Variants in ATCAY observed in about 807,000 individuals in gnomAD.
ATCAY encodes the protein caytaxin.
In ATCAY, 22 loss-of-function variants were observed where a neutral mutation model predicts 47.7. The ratio of observed to expected loss-of-function variants is 0.46; its 90% confidence interval spans 0.33 to 0.66. The LOEUF is 0.66. ATCAY is among the 30% of genes least tolerant of loss of function. The pLI, the probability that ATCAY is intolerant of heterozygous loss-of-function variation, is 0.02. For synonymous variants in ATCAY, 216 were observed against 207.6 expected (o/e 1.04, Z -0.35); for missense variants, 452 against 515.0 (o/e 0.88, Z 1.18).
At position 3,897,463 on chromosome 19, in the gene ATCAY, C is replaced by T. The variant is rs756650758; in HGVS notation, c.78-5024C>T. Among the ~76,000 whole-genome samples the T allele has an allele frequency of 9.1e-4, 138 of 151,438 alleles. 1 individual carries two copies. Among genetic ancestry groups the T allele is most frequent in the Admixed American group, 1.6e-3 (24 of 15,184 alleles). ...TACAGGGACACGCCACCATGCCTGG[C>T]TTTTTATTTTTTATAGAGATGGAGT... On this transcript the variant is annotated intron_variant, in intron 2 of 12. Coordinates refer to ENST00000450849, the MANE Select transcript of ATCAY (RefSeq NM_033064.5).
chr19:3,906,773 G>A (rs1032527906), intron 4 of ATCAY, among the ~76,000 whole-genome samples: 1 of 152,054 alleles, frequency 6.6e-6, no homozygotes, highest in Non-Finnish European at 1.5e-5. Flanking sequence ...TCAGGCGTGG[G>A]GTATATGGCA....
chr19:3,911,302 G>A (rs1191390633), intron 8 of ATCAY, among the ~76,000 whole-genome samples: 1 of 152,114 alleles, frequency 6.6e-6, no homozygotes, highest in Non-Finnish European at 1.5e-5. Context: ...GGAGATCAAG[G>A]CTGCAATGAG....
intron 12 of ATCAY, 74 bp downstream of exon 12, chr19:3,920,872 C>T (rs1348860078): frequency 6.4e-7 from 1 of 1,560,908 alleles, no homozygotes; most frequent in Admixed American, 1.7e-5. Context: ...TCAGGGTTCT[C>T]TAGAAGGACA....
rs549326005 is a variant in ATCAY, at chr19:3,905,579, C to T, written c.282C>T (p.Asn94=). The T allele has an allele frequency of 6.8e-6, 11 of 1,613,768 alleles. No homozygotes were observed. Among genetic ancestry groups the T allele is most frequent in the African/African-American group, 2.7e-5 (2 of 74,972 alleles). Residue 94 remains asparagine, a synonymous_variant, in exon 4 of 13, where the codon AAC becomes AAT. Coordinates refer to ENST00000450849, the MANE Select transcript of ATCAY (RefSeq NM_033064.5). ...FLDTPDDLDI[N]VDDIETPDET... ...ATACCCCTGATGACCTGGATATTAA[C>T]GTGGATGACATCGAGACCCCCGATG...
At chr19:3,917,136 A>G (rs2038973013) in intron 9 of ATCAY, among the ~76,000 whole-genome samples, 1 of 151,996 alleles carries the variant, frequency 6.6e-6, no homozygotes, top group Admixed American at 6.6e-5. Flanking sequence ...TCAAAAATGC[A>G]TCTATGGGCC....
chr19:3,894,948 CA>C (rs34311804), intron 2 of ATCAY, among the ~76,000 whole-genome samples: 37,159 of 76,602 alleles, frequency 0.49, 6,089 homozygotes, highest in Middle Eastern at 0.65. Context: ...GACCCTGTCT[CA>C]AAAAAAAAAA....
chr19:3,911,413 A>G (rs1297206009), intron 8 of ATCAY, among the ~76,000 whole-genome samples: 4 of 152,020 alleles, frequency 2.6e-5, no homozygotes. Context: ...AGTCCCAGCT[A>G]CTCAGGAGGC....
chr19:3,914,647 C>G (rs989373462), intron 9 of ATCAY, among the ~76,000 whole-genome samples: 3 of 151,858 alleles, frequency 2.0e-5, no homozygotes, highest in Non-Finnish European at 2.9e-5. Flanking sequence ...ATGGTGAAAC[C>G]CTGTCTCTCC....
chr19:3,905,359 C>T, intron 3 of ATCAY, 75 bp from the exon 4 acceptor site: 1 of 1,415,868 alleles, frequency 7.1e-7, no homozygotes, highest in Non-Finnish European at 9.5e-7. Context: ...AAACAGCTTC[C>T]ACCAGGTAGG....
chr19:3,883,574 C>T (rs1480233493), intron 1 of ATCAY, among the ~76,000 whole-genome samples: 2 of 152,294 alleles, frequency 1.3e-5, no homozygotes, highest in Non-Finnish European at 2.9e-5. Context: ...TGGTCATGGG[C>T]GGCCATCCTG....
chr19:3,883,335 C>CT (rs896393750), intron 1 of ATCAY, among the ~76,000 whole-genome samples: 1 of 151,978 alleles, frequency 6.6e-6, no homozygotes, highest in Non-Finnish European at 1.5e-5. Flanking sequence ...GAGCGAGACT[C>CT]TGTCTCAAAA....
At chr19:3,908,473 G>T in intron 6 of ATCAY, 103 bp downstream of exon 6, 3 of 1,111,238 alleles carry the variant, frequency 2.7e-6, no homozygotes, top group Non-Finnish European at 4.0e-6. Context: ...TAGGAAGCCT[G>T]CCTGGCACCA....
chr19:3,904,936 T>A (rs2038847069), intron 3 of ATCAY, among the ~76,000 whole-genome samples: 1 of 152,170 alleles, frequency 6.6e-6, no homozygotes, highest in Non-Finnish European at 1.5e-5. Context: ...CTTGGCTCAC[T>A]GTAACCTCCG....
At chr19:3,903,563 G>A (rs956246698) in intron 3 of ATCAY, among the ~76,000 whole-genome samples, 7 of 150,864 alleles carry the variant, frequency 4.6e-5, no homozygotes, top group East Asian at 2.0e-4. Flanking sequence ...TCACTGTATC[G>A]CCCAGGCTGG....
intron 9 of ATCAY, among the ~76,000 whole-genome samples, chr19:3,915,427 T>C (rs1180568235): frequency 6.6e-6 from 1 of 151,638 alleles, no homozygotes; most frequent in Admixed American, 6.6e-5. Flanking sequence ...TCAGATGATC[T>C]ACCGGCCTCG....
intron 2 of ATCAY, among the ~76,000 whole-genome samples, chr19:3,887,109 A>G (rs1341346592): frequency 6.6e-6 from 1 of 152,084 alleles, no homozygotes; most frequent in Non-Finnish European, 1.5e-5. Context: ...TGCCTGGCAT[A>G]CAGTCGGCGC....
At chr19:3,889,050 G>A (rs933154682) in intron 2 of ATCAY, among the ~76,000 whole-genome samples, 2 of 152,096 alleles carry the variant, frequency 1.3e-5, no homozygotes, top group South Asian at 2.1e-4. Context: ...CGGGAGGATC[G>A]CTTGAGCCCA....
chr19:3,908,041 C>T (rs3810374), intron 5 of ATCAY, 122 bp downstream of exon 5: 103,464 of 1,333,680 alleles, frequency 0.078, 4,869 homozygotes, highest in South Asian at 0.17. Flanking sequence ...TTCGGGTGGA[C>T]GGACTGTGGG....
At chr19:3,919,692 G>A (rs973804383) in intron 11 of ATCAY, among the ~76,000 whole-genome samples, 2 of 151,242 alleles carry the variant, frequency 1.3e-5, no homozygotes, top group Non-Finnish European at 2.9e-5. Context: ...AGCCCAGGAG[G>A]TCAAGGCTAC....
Sources: gnomAD v4.1 joint callset for allele counts (sites outside exome capture counted in the v4.1 genomes callset) on GRCh38, gnomAD v4.1.1 for gene constraint, MANE v1.5 for transcripts, NCBI Gene and HGNC (gene_info 2026-07-23, HGNC 2026-07-21) for gene names.